Variants in EFR3A observed in about 807,000 individuals in gnomAD.
The protein encoded by EFR3A is protein EFR3 homolog A.
Under a neutral mutation model 104.4 loss-of-function variants are expected in EFR3A, and 76 were observed. That is an observed-to-expected ratio of 0.73 (90% confidence interval 0.60 to 0.88). The LOEUF is 0.88. Among genes scored for constraint, EFR3A ranks in the 40% least tolerant of loss-of-function variants. The pLI is 0.00. For missense variants in EFR3A, 985 were observed against 1,012.5 expected (o/e 0.97, Z 0.37); for synonymous variants, 330 against 330.0 (o/e 1.00, Z 0.00).
chr8:131,947,405 T>A (rs1191240216), intron 4 of EFR3A, among the ~76,000 whole-genome samples: 1 of 152,110 alleles, frequency 6.6e-6, no homozygotes, highest in Non-Finnish European at 1.5e-5. Flanking sequence ...ATATTCTTGA[T>A]AAGAGTACTT....
At chr8:131,919,299 T>A (rs1464987887) in intron 1 of EFR3A, among the ~76,000 whole-genome samples, 1 of 152,158 alleles carries the variant, frequency 6.6e-6, no homozygotes, top group African/African-American at 2.4e-5. Flanking sequence ...TTGCATACCA[T>A]AAAATTTACC....
chr8:131,966,103 C>T (rs1293722118), intron 8 of EFR3A, among the ~76,000 whole-genome samples: 1 of 152,090 alleles, frequency 6.6e-6, no homozygotes, highest in Admixed American at 6.6e-5. Context: ...GGAGATATAC[C>T]TAACGTAAAT....
chr8:132,009,955 T>A (rs2130824800), intron 22 of EFR3A, among the ~76,000 whole-genome samples: 1 of 152,122 alleles, frequency 6.6e-6, no homozygotes, highest in East Asian at 1.9e-4. Context: ...CCCAAATTGA[T>A]AAGAGAAAAA....
At chr8:131,963,999 A>C (rs1249183064) in intron 8 of EFR3A, among the ~76,000 whole-genome samples, 3 of 152,228 alleles carry the variant, frequency 2.0e-5, no homozygotes, top group Admixed American at 1.3e-4. Context: ...GATGCAGAAA[A>C]GGCCTTTGAC....
chr8:131,985,939 ATG>A (rs1475049391), intron 16 of EFR3A, among the ~76,000 whole-genome samples: 2 of 152,208 alleles, frequency 1.3e-5, no homozygotes, highest in African/African-American at 4.8e-5. Flanking sequence ...ATCAAATGTA[ATG>A]TGTCATCATT....
chr8:132,003,798 T>G (rs1176449024), intron 22 of EFR3A, among the ~76,000 whole-genome samples: 1 of 152,198 alleles, frequency 6.6e-6, no homozygotes, highest in Admixed American at 6.5e-5. Context: ...GATTATCCTA[T>G]GTCTATACAT....
chr8:131,989,438 T>G (rs1661772032), intron 18 of EFR3A, among the ~76,000 whole-genome samples: 1 of 152,194 alleles, frequency 6.6e-6, no homozygotes, highest in South Asian at 2.1e-4. Context: ...TTAGTATTCA[T>G]TTTCTTATGT....
intron 1 of EFR3A, among the ~76,000 whole-genome samples, chr8:131,918,459 T>C (rs1018239076): frequency 1.3e-5 from 2 of 152,238 alleles, no homozygotes; most frequent in African/African-American, 4.8e-5. Flanking sequence ...ATGCTTAAAT[T>C]AGTAGAATAA....
At chr8:132,006,763 A>G (rs1586686226) in intron 22 of EFR3A, among the ~76,000 whole-genome samples, 1 of 152,038 alleles carries the variant, frequency 6.6e-6, no homozygotes, top group East Asian at 1.9e-4. Context: ...AGTCACAGAA[A>G]TCTTTATCAA....
chr8:131,963,663 G>T lies in EFR3A; in HGVS notation c.855+4000G>T, dbSNP rs572324423. The stretch of plus-strand genomic sequence containing the variant: ...AGGTACAAGGAGGAGCTGGTACCAT[G>T]CCTTTTGAAACTATTCCAATCAATA... On this transcript the variant is annotated intron_variant, in intron 8 of 22. Coordinates refer to ENST00000254624, the MANE Select transcript of EFR3A (RefSeq NM_015137.6). Among the ~76,000 whole-genome samples, 280 of 152,172 alleles carry T rather than the reference G, an allele frequency of 1.8e-3. 2 individuals carry two copies. The highest frequency in any genetic ancestry group is 6.5e-3 in the African/African-American group (272 of 41,540).
chr8:131,943,531 A>G (rs1024461419), intron 2 of EFR3A, among the ~76,000 whole-genome samples: 11 of 152,044 alleles, frequency 7.2e-5, no homozygotes, highest in Non-Finnish European at 1.2e-4. Flanking sequence ...GCAGAGGCAA[A>G]CCAATTCCTC....
intron 4 of EFR3A, among the ~76,000 whole-genome samples, chr8:131,947,427 T>C (rs990346431): frequency 2.0e-5 from 3 of 152,038 alleles, no homozygotes; most frequent in Non-Finnish European, 4.4e-5. Flanking sequence ...ATCAGATATA[T>C]GATTTGCAGA....
chr8:131,977,895 T>C (rs1162617649), intron 12 of EFR3A, among the ~76,000 whole-genome samples: 1 of 152,118 alleles, frequency 6.6e-6, no homozygotes, highest in Non-Finnish European at 1.5e-5. Flanking sequence ...CCATTCCTCC[T>C]CTGATGATAT....
At chr8:131,992,963 G>A (rs1821273709) in intron 18 of EFR3A, among the ~76,000 whole-genome samples, 1 of 152,172 alleles carries the variant, frequency 6.6e-6, no homozygotes, top group South Asian at 2.1e-4. Flanking sequence ...AGAAAGGTCT[G>A]TCAATAGGAT....
rs182338263 is a variant in EFR3A at position 131,931,571 on chromosome 8, C to A, written c.11-8928C>A. On this transcript the variant is annotated intron_variant, in intron 1 of 22. Coordinates refer to ENST00000254624, the MANE Select transcript of EFR3A (RefSeq NM_015137.6). ...TCTTACAATCTCAATATATATTAGA[C>A]TGCTTAATATCAGGAACCAGTTGTA... 2.5e-4 allele frequency among the ~76,000 whole-genome samples: 38 copies of A among 152,116 alleles called. 1 individual carries two copies. Among genetic ancestry groups the A allele is most frequent in the African/African-American group, 9.2e-4 (38 of 41,520 alleles).
At chr8:132,000,080 A>G (rs1476577870) in intron 19 of EFR3A, among the ~76,000 whole-genome samples, 2 of 152,158 alleles carry the variant, frequency 1.3e-5, no homozygotes, top group African/African-American at 4.8e-5. Context: ...GAAAGGAGAC[A>G]TTAAAAAAAA....
At chr8:131,938,232 AC>A (rs1449533341) in intron 1 of EFR3A, 6 of 397,832 alleles carry the variant, frequency 1.5e-5, no homozygotes, top group Non-Finnish European at 2.7e-5. Flanking sequence ...AACATGAAGG[AC>A]TATGTTCAGG....
At chr8:131,973,258 A>G (rs1323161626) in intron 10 of EFR3A, among the ~76,000 whole-genome samples, 2 of 151,962 alleles carry the variant, frequency 1.3e-5, no homozygotes, top group South Asian at 2.1e-4. Flanking sequence ...GTATTAATAT[A>G]TAGTGAACCT....
At chr8:131,961,237 A>G (rs890375269) in intron 8 of EFR3A, among the ~76,000 whole-genome samples, 7 of 152,302 alleles carry the variant, frequency 4.6e-5, no homozygotes, top group Non-Finnish European at 1.0e-4. Flanking sequence ...TTGAGAGAAG[A>G]AGGCTTCAGA....
Sources: allele counts gnomAD v4.1 joint callset (sites outside exome capture counted in the v4.1 genomes callset), GRCh38; gene constraint gnomAD v4.1.1; transcripts MANE v1.5; gene names NCBI Gene and HGNC (gene_info 2026-07-23, HGNC 2026-07-21).